The following PAICS variants were observed in gnomAD, a reference collection of about 807,000 sequenced individuals.
The protein encoded by PAICS is phosphoribosylaminoimidazole carboxylase and phosphoribosylaminoimidazolesuccinocarboxamide synthase.
A neutral mutation model predicts 53.7 loss-of-function variants in PAICS; 33 were observed. The ratio of observed to expected loss-of-function variants is 0.61; its 90% CI spans 0.47 to 0.82. The LOEUF (loss-of-function observed/expected upper bound fraction) is 0.82. Among genes scored for constraint, PAICS ranks in the 40% least tolerant of loss-of-function variants. The probability of loss-of-function intolerance (pLI) is 0.00; values close to 1 mark genes in which losing one functional copy is unlikely to be tolerated. For synonymous variants in PAICS, 141 were observed against 167.2 expected, an observed-to-expected ratio of 0.84 and a Z score of 1.21; for missense variants, 394 against 494.1, an observed-to-expected ratio of 0.80 and a Z score of 1.92.
At chr4:56,418,332 T>G in the PAICS span, among the ~76,000 whole-genome samples, 1 of 152,118 alleles carries the variant, frequency 6.6e-6, no homozygotes, top group Non-Finnish European at 1.5e-5. Flanking sequence ...TATTTTATCT[T>G]ATTTTGAGAC....
At chr4:56,415,407 ATCC>A in the PAICS span, among the ~76,000 whole-genome samples, 4 of 152,334 alleles carry the variant, frequency 2.6e-5, no homozygotes, top group South Asian at 8.3e-4. Context: ...GATGTACTTC[ATCC>A]TCCTCATTTG....
chr4:56,418,661 C>G, the PAICS span, among the ~76,000 whole-genome samples: 1 of 152,042 alleles, frequency 6.6e-6, no homozygotes, highest in African/African-American at 2.4e-5. Context: ...ATTTGAAACC[C>G]TGTCTCAAAA....
At chr4:56,429,790 T>A in the PAICS span, among the ~76,000 whole-genome samples, 144 of 152,338 alleles carry the variant, frequency 9.5e-4, no homozygotes, top group South Asian at 3.9e-3. Context: ...TCATTAATCA[T>A]CCTTCCGCCC....
At chr4:56,413,312 G>T in the PAICS span, among the ~76,000 whole-genome samples, 1 of 152,082 alleles carries the variant, frequency 6.6e-6, no homozygotes, top group Non-Finnish European at 1.5e-5. Flanking sequence ...ACGCCACCAT[G>T]CCCAGCTAGT....
chr4:56,431,250 C>T (rs1717569147), upstream of PAICS, among the ~76,000 whole-genome samples: 1 of 152,118 alleles, frequency 6.6e-6, no homozygotes, highest in Non-Finnish European at 1.5e-5. Flanking sequence ...GTAAGATATT[C>T]CCTGCCTTAA....
chr4:56,446,299 C>T (rs1014257629), intron 2 of PAICS: 1 of 711,110 alleles, frequency 1.4e-6, no homozygotes, highest in African/African-American at 1.8e-5. Flanking sequence ...CTATTCCTCC[C>T]ACTCCTCAGC....
rs1719407350 is a variant in PAICS, at chr4:56,459,704, C to T, written c.*166C>T. The T allele has an allele frequency of 1.1e-5, 6 of 537,700 alleles. No individual in the cohort carries two copies. Among genetic ancestry groups the T allele is most frequent in the Admixed American group, 3.4e-5 (1 of 29,836 alleles). 33.3% of individuals were successfully genotyped at this position (537,700 alleles called of 1,614,324 possible). On this transcript the variant is annotated 3_prime_UTR_variant, in exon 9 of 9. Transcript: ENST00000512576. ...CATATTAATAAACATGAGCATCTAA[C>T]CCCTCCTTTCTTAGGCTAGACACCA... is the stretch of plus-strand genomic sequence containing the variant.
the PAICS span, among the ~76,000 whole-genome samples, chr4:56,430,458 T>C: frequency 1.3e-5 from 2 of 152,176 alleles, no homozygotes; most frequent in African/African-American, 4.8e-5. Context: ...ATCTGCCCTG[T>C]ATGGTAAAGT....
upstream of PAICS, chr4:56,435,838 G>A: frequency 6.7e-7 from 1 of 1,498,488 alleles, no homozygotes; most frequent in Non-Finnish European, 9.0e-7. Context: ...GTAGCGTAAT[G>A]GGAGTAACGG....
At chr4:56,457,189 G>A (rs1397976120) in intron 8 of PAICS, among the ~76,000 whole-genome samples, 2 of 152,168 alleles carry the variant, frequency 1.3e-5, no homozygotes, top group Non-Finnish European at 2.9e-5. Context: ...CACTTTGGGA[G>A]GCAGAGATTG....
the PAICS span, chr4:56,419,814 T>C: frequency 1.0e-6 from 1 of 984,424 alleles, no homozygotes; most frequent in Non-Finnish European, 1.2e-6. Context: ...GCTTCAGAAA[T>C]TTGGAATAGA....
chr4:56,433,733 C>G (rs1196844303), upstream of PAICS, among the ~76,000 whole-genome samples: 31 of 149,414 alleles, frequency 2.1e-4, no homozygotes, highest in Admixed American at 1.5e-3. Flanking sequence ...CTCGCTCTGT[C>G]GCCCAGGCTG....
chr4:56,463,763 T>C lies in PAICS; in HGVS notation c.*4225T>C. 6.6e-6 allele frequency: 1 copy of C among 151,636 alleles called. No homozygotes were observed. Among genetic ancestry groups the C allele is most frequent in the Non-Finnish European group, 1.5e-5 (1 of 67,960 alleles). 9.4% of individuals were successfully genotyped at this position (151,636 alleles called of 1,614,324 possible). On this transcript the variant is annotated 3_prime_UTR_variant, in exon 9 of 9. Transcript: ENST00000512576. The stretch of plus-strand genomic sequence containing the variant: ...CTAAATCCATTAATATAAAAATACA[T>C]TGTGGATACTGATGAGATGGCTAAT...
intron 8 of PAICS, among the ~76,000 whole-genome samples, chr4:56,455,188 G>C (rs1412360430): frequency 6.6e-6 from 1 of 152,084 alleles, no homozygotes; most frequent in African/African-American, 2.4e-5. Flanking sequence ...ATAACATAAG[G>C]AAGTCCCCTT....
chr4:56,424,397 C>T, the PAICS span, among the ~76,000 whole-genome samples: 1 of 152,154 alleles, frequency 6.6e-6, no homozygotes, highest in Non-Finnish European at 1.5e-5. Flanking sequence ...GCTAGGTTAT[C>T]ATGCTCAGAC....
intron 2 of PAICS, among the ~76,000 whole-genome samples, chr4:56,443,151 A>G (rs952080406): frequency 1.3e-5 from 2 of 152,150 alleles, no homozygotes; most frequent in African/African-American, 4.8e-5. Context: ...CTTTTGCAAT[A>G]CCGATAAGTG....
chr4:56,437,256 G>GGTGT (rs57161391), intron 1 of PAICS, among the ~76,000 whole-genome samples: 18,664 of 124,162 alleles, frequency 0.15, 1,583 homozygotes, highest in Middle Eastern at 0.21. Flanking sequence ...ATGCCATGAT[G>GGTGT]GTGTGTGTGT....
chr4:56,453,549 T>G (rs1156871430), intron 7 of PAICS, 54 bp from the exon 8 acceptor site: 111 of 1,136,722 alleles, frequency 9.8e-5, no homozygotes, highest in Middle Eastern at 3.1e-4. Flanking sequence ...AAAAACCCTG[T>G]CTTTAAATCT....
upstream of PAICS, among the ~76,000 whole-genome samples, chr4:56,435,037 C>A (rs1303344422): frequency 6.6e-6 from 1 of 152,174 alleles, no homozygotes; most frequent in South Asian, 2.1e-4. Flanking sequence ...CCTGACCCAG[C>A]TAGACCAAGC....
Sources: gnomAD v4.1 joint callset for allele counts (sites outside exome capture counted in the v4.1 genomes callset) on GRCh38, gnomAD v4.1.1 for gene constraint, MANE v1.5 for transcripts, NCBI Gene and HGNC (gene_info 2026-07-23, HGNC 2026-07-21) for gene names.